UNC5D: variants seen among roughly 807,000 people sequenced by gnomAD.
The protein encoded by UNC5D is unc-5 netrin receptor D, also known as netrin receptor UNC5D.
In UNC5D, 39 loss-of-function variants were observed where a neutral mutation model predicts 105.4. That is an observed-to-expected ratio of 0.37 (90% CI 0.29 to 0.48). The LOEUF (loss-of-function observed/expected upper bound fraction) is 0.48. Among genes scored for constraint, UNC5D ranks in the 20% least tolerant of loss-of-function variants. The probability of loss-of-function intolerance (pLI) is 0.98; values close to 1 mark genes in which losing one functional copy is unlikely to be tolerated. For synonymous variants in UNC5D, 452 were observed against 450.4 expected, an observed-to-expected ratio of 1.00 and a Z score of -0.04; for missense variants, 991 against 1,202.4, an observed-to-expected ratio of 0.82 and a Z score of 2.60.
intron 11 of UNC5D, among the ~76,000 whole-genome samples, chr8:35,731,625 A>T (rs1223002725): frequency 6.6e-6 from 1 of 152,122 alleles, no homozygotes; most frequent in Admixed American, 6.5e-5. Flanking sequence ...TACACAAGAG[A>T]CACCAAATGG....
At chr8:35,666,116 C>G (rs920840112) in intron 4 of UNC5D, among the ~76,000 whole-genome samples, 9 of 151,918 alleles carry the variant, frequency 5.9e-5, no homozygotes, top group African/African-American at 2.2e-4. Flanking sequence ...TGACCACTTC[C>G]TGTTTCAAGC....
At chr8:35,634,625 A>G (rs1384497183) in intron 4 of UNC5D, among the ~76,000 whole-genome samples, 1 of 152,142 alleles carries the variant, frequency 6.6e-6, no homozygotes, top group Non-Finnish European at 1.5e-5. Flanking sequence ...AAAGGTTACA[A>G]ATACTGATGC....
chr8:35,350,944 G>A (rs533023045), intron 1 of UNC5D, among the ~76,000 whole-genome samples: 1 of 152,122 alleles, frequency 6.6e-6, no homozygotes, highest in South Asian at 2.1e-4. Flanking sequence ...CATTTAATGG[G>A]AAAGGAAAGA....
intron 3 of UNC5D, among the ~76,000 whole-genome samples, chr8:35,575,618 G>C (rs1306308748): frequency 6.6e-6 from 1 of 152,088 alleles, no homozygotes; most frequent in Non-Finnish European, 1.5e-5. Context: ...TCAGAATGTG[G>C]ATATATTCCC....
intron 1 of UNC5D, among the ~76,000 whole-genome samples, chr8:35,286,677 G>T (rs923387677): frequency 6.6e-6 from 1 of 152,164 alleles, no homozygotes; most frequent in African/African-American, 2.4e-5. Context: ...GGAGGCAGTT[G>T]CAGGTCAGTG....
intron 1 of UNC5D, among the ~76,000 whole-genome samples, chr8:35,355,593 A>T (rs947172956): frequency 2.0e-5 from 3 of 152,138 alleles, no homozygotes; most frequent in Non-Finnish European, 4.4e-5. Flanking sequence ...CAGTGCTACT[A>T]TTAACGTTGG....
At chr8:35,557,100 T>C (rs1816607242) in intron 2 of UNC5D, among the ~76,000 whole-genome samples, 1 of 152,154 alleles carries the variant, frequency 6.6e-6, no homozygotes, top group Non-Finnish European at 1.5e-5. Flanking sequence ...GATACGGGAG[T>C]AAGTCATTCA....
intron 1 of UNC5D, among the ~76,000 whole-genome samples, chr8:35,386,604 C>T (rs1268755674): frequency 3.9e-5 from 6 of 152,184 alleles, no homozygotes; most frequent in African/African-American, 1.2e-4. Context: ...ACTGGGTGCA[C>T]GGAATCTCTG....
intron 4 of UNC5D, among the ~76,000 whole-genome samples, chr8:35,630,206 A>G (rs2131073579): frequency 6.6e-6 from 1 of 152,310 alleles, no homozygotes; most frequent in African/African-American, 2.4e-5. Context: ...TGTTATGATG[A>G]TAGTGGAATT....
At chr8:35,338,092 A>G (rs1811187199) in intron 1 of UNC5D, among the ~76,000 whole-genome samples, 1 of 152,202 alleles carries the variant, frequency 6.6e-6, no homozygotes, top group South Asian at 2.1e-4. Flanking sequence ...GGTTGTCTAT[A>G]ACGTCTGTGG....
At chr8:35,283,671 G>T (rs1160102931) in intron 1 of UNC5D, among the ~76,000 whole-genome samples, 3 of 152,072 alleles carry the variant, frequency 2.0e-5, no homozygotes, top group Non-Finnish European at 4.4e-5. Flanking sequence ...GGGCATGGTG[G>T]CACACACCTG....
chr8:35,282,224 G>A (rs1286339187), intron 1 of UNC5D, among the ~76,000 whole-genome samples: 10 of 152,288 alleles, frequency 6.6e-5, no homozygotes, highest in African/African-American at 2.4e-4. Context: ...TAGCATCGAA[G>A]GAGGACAGCA....
At chr8:35,525,508 T>C (rs1813803380) in intron 1 of UNC5D, 6 of 1,612,370 alleles carry the variant, frequency 3.7e-6, no homozygotes, top group Non-Finnish European at 5.1e-6. Flanking sequence ...CTGGCAAGCT[T>C]ACTAACATTG....
At chr8:35,421,083 C>T (rs1805869505) in intron 1 of UNC5D, among the ~76,000 whole-genome samples, 1 of 152,122 alleles carries the variant, frequency 6.6e-6, no homozygotes, top group South Asian at 2.1e-4. Flanking sequence ...GGACTCTTGC[C>T]ACAGAGGACT....
chr8:35,354,931 G>C (rs1801464375), intron 1 of UNC5D, among the ~76,000 whole-genome samples: 1 of 152,050 alleles, frequency 6.6e-6, no homozygotes. Context: ...TTTCCATGTG[G>C]CTTGGACTTC....
At chr8:35,419,508 C>T (rs1805747859) in intron 1 of UNC5D, among the ~76,000 whole-genome samples, 1 of 152,158 alleles carries the variant, frequency 6.6e-6, no homozygotes, top group South Asian at 2.1e-4. Flanking sequence ...TTGGAGAGTC[C>T]AGCAATCATG....
At chr8:35,676,904 GTT>G (rs140725804) in intron 4 of UNC5D, among the ~76,000 whole-genome samples, 1 of 149,104 alleles carries the variant, frequency 6.7e-6, no homozygotes, top group Non-Finnish European at 1.5e-5. Context: ...TCATGAATAT[GTT>G]TTTTTTTTGG....
In UNC5D at chr8:35,444,550, C is replaced by T. The variant is rs76963330; in HGVS notation, c.104-104742C>T. Among the ~76,000 whole-genome samples, 1,223 of 152,162 alleles carry T rather than the reference C, an allele frequency of 8.0e-3. 10 individuals carry two copies. The highest frequency in any genetic ancestry group is 0.012 in the Non-Finnish European group (793 of 67,974). On this transcript the variant is annotated intron_variant, in intron 1 of 16. Transcript: ENST00000404895. ...GCATATAGAAACACACACTTTCTCT[C>T]TCTCTCTCTTCCCAAATTCATTCAT...
At chr8:35,737,240 G>C (rs1829514691) in intron 11 of UNC5D, among the ~76,000 whole-genome samples, 1 of 148,570 alleles carries the variant, frequency 6.7e-6, no homozygotes, top group South Asian at 2.2e-4. Context: ...GAGAAACTTG[G>C]CAAGATCTGC....
Sources: allele counts gnomAD v4.1 joint callset (sites outside exome capture counted in the v4.1 genomes callset), GRCh38; gene constraint gnomAD v4.1.1; transcripts MANE v1.5; gene names NCBI Gene and HGNC (gene_info 2026-07-23, HGNC 2026-07-21).